IL1F10: variants seen among roughly 807,000 people sequenced by gnomAD.
The protein encoded by IL1F10 is interleukin-1 family member 10.
Under a neutral mutation model 13.1 loss-of-function variants are expected in IL1F10, and 13 were observed. The ratio of observed to expected loss-of-function variants is 0.99; its 90% confidence interval spans 0.64 to 1.57. The LOEUF (loss-of-function observed/expected upper bound fraction) is 1.57, where lower values mean the gene tolerates loss of function less well. Among genes scored for constraint, IL1F10 ranks in the 40% most tolerant of loss-of-function variants. IL1F10 has a pLI of 0.00. For missense variants in IL1F10, 191 were observed against 184.1 expected (o/e 1.04, Z -0.22); for synonymous variants, 78 against 68.2 (o/e 1.14, Z -0.71).
At chr2:113,068,375 C>T (rs764566361) in intron 1 of IL1F10, among the ~76,000 whole-genome samples, 4 of 149,930 alleles carry the variant, frequency 2.7e-5, no homozygotes, top group Non-Finnish European at 5.9e-5. Flanking sequence ...GGTAGCTCCT[C>T]AGTGTCTTCT....
chr2:113,068,634 T>G (rs1425618115), intron 1 of IL1F10, among the ~76,000 whole-genome samples: 1 of 152,214 alleles, frequency 6.6e-6, no homozygotes, highest in African/African-American at 2.4e-5. Flanking sequence ...GCCTTTCTAT[T>G]CAAAGTCTGC....
At chr2:113,073,696 G>A (rs752213377) in intron 2 of IL1F10, among the ~76,000 whole-genome samples, 2 of 152,156 alleles carry the variant, frequency 1.3e-5, no homozygotes, top group Admixed American at 6.5e-5. Flanking sequence ...GGGTATTATC[G>A]TTAGCTGTTA....
At position 113,072,794 on chromosome 2, in the gene IL1F10, G is replaced by T. The variant is rs536900277; in HGVS notation, c.32+24G>T. 3.7e-6 allele frequency: 6 copies of T among 1,606,804 alleles called. No homozygotes were observed. The African/African-American group carries it at 5.3e-5, about 14-fold the overall frequency. On this transcript the variant is annotated intron_variant, in intron 2 of 4. Transcript: ENST00000341010. ...ATGTAAGTTGTCCTGGCATGTCCCT[G>T]CTTTCCAAGCCAGGGGGTCAGGGTG...
intron 1 of IL1F10, among the ~76,000 whole-genome samples, chr2:113,070,682 A>G (rs1685820530): frequency 6.6e-6 from 1 of 151,892 alleles, no homozygotes; most frequent in Non-Finnish European, 1.5e-5. Flanking sequence ...GTCCTTTAGG[A>G]CTCAAAGTGC....
At chr2:113,070,108 G>T (rs545231033) in intron 1 of IL1F10, among the ~76,000 whole-genome samples, 1 of 152,158 alleles carries the variant, frequency 6.6e-6, no homozygotes, top group Non-Finnish European at 1.5e-5. Context: ...AGGGAGAAAT[G>T]AGAGGAAGAA....
intron 1 of IL1F10, among the ~76,000 whole-genome samples, chr2:113,069,840 G>T (rs546408057): frequency 6.6e-6 from 1 of 152,144 alleles, no homozygotes; most frequent in Non-Finnish European, 1.5e-5. Flanking sequence ...AGGTGTGAAG[G>T]GAGTCATTCA....
chr2:113,071,119 C>A (rs1685827243), intron 1 of IL1F10, among the ~76,000 whole-genome samples: 1 of 152,180 alleles, frequency 6.6e-6, no homozygotes, highest in Non-Finnish European at 1.5e-5. Flanking sequence ...GTAAGTGGTG[C>A]AACAACACGA....
chr2:113,075,416 G>A lies in IL1F10; in HGVS notation c.*52G>A. On this transcript the variant is annotated 3_prime_UTR_variant, in exon 5 of 5. Transcript: ENST00000341010. ...TGTGCCCCCAAACCAAGCTCATCCTGCTCAGGGTCTATGGTAGGCAGAATA... is the reference window on the plus strand; with the variant it reads ...TGTGCCCCCAAACCAAGCTCATCCTACTCAGGGTCTATGGTAGGCAGAATA... 3 of 1,350,098 alleles carry A rather than the reference G, an allele frequency of 2.2e-6. No individual in the cohort carries two copies. The highest frequency in any genetic ancestry group is 2.0e-6 in the Non-Finnish European group (2 of 977,908). 83.6% of individuals were successfully genotyped at this position (1,350,098 alleles called of 1,614,324 possible).
chr2:113,069,747 T>C (rs1405381393), intron 1 of IL1F10, among the ~76,000 whole-genome samples: 1 of 152,168 alleles, frequency 6.6e-6, no homozygotes, highest in Non-Finnish European at 1.5e-5. Context: ...TGCAGCTTAA[T>C]ATGATGTGAA....
rs28928301 is a variant in IL1F10 at position 113,075,545 on chromosome 2, A to G, written c.*181A>G. On this transcript the variant is annotated 3_prime_UTR_variant, in exon 5 of 5. Transcript: ENST00000341010. ...AATGTGATTATGTTAAGGATCTTGAAATGAGGAGACAATCCTGGGTTATCC... is the reference window on the plus strand; with the variant it reads ...AATGTGATTATGTTAAGGATCTTGAGATGAGGAGACAATCCTGGGTTATCC... The G allele has an allele frequency of 7.5e-3, 3,282 of 436,696 alleles. 98 individuals are homozygous for G. Among genetic ancestry groups the G allele is most frequent in the African/African-American group, 0.059 (2,939 of 49,850 alleles). 27.1% of individuals were successfully genotyped at this position (436,696 alleles called of 1,614,324 possible).
intron 3 of IL1F10, 133 bp from the exon 4 acceptor site, chr2:113,074,590 A>G (rs1324312157): frequency 9.0e-6 from 11 of 1,227,682 alleles, no homozygotes; most frequent in Admixed American, 1.7e-5. Context: ...GTCCTGGCTC[A>G]CCGTCCAGTC....
At chr2:113,074,260 A>C in intron 2 of IL1F10, 69 bp from the exon 3 acceptor site, 1 of 966,026 alleles carries the variant, frequency 1.0e-6, no homozygotes. Context: ...CAGAGCATGG[A>C]AGTGGAAGGG....
rs758654880 is a variant in IL1F10 at position 113,075,310 on chromosome 2, C to T, written c.405C>T (p.Thr135=). ...PAEPQQPVQL[T]KESEPSARTK... is the part of the protein sequence containing the mutation. ...AGCCCCAGCAGCCAGTACAGCTCAC[C>T]AAGGAGAGTGAGCCCTCAGCCCGTA... Residue 135 remains threonine (T), a synonymous_variant, in exon 5 of 5, where the codon ACC becomes ACT. Transcript: ENST00000341010. 6.2e-7 allele frequency: 1 copy of T among 1,603,324 alleles called. No homozygotes were observed. The highest frequency in any genetic ancestry group is 1.3e-5 in the African/African-American group (1 of 74,774).
chr2:113,068,953 AG>A (rs1191815435), intron 1 of IL1F10, among the ~76,000 whole-genome samples: 1 of 152,336 alleles, frequency 6.6e-6, no homozygotes, highest in Non-Finnish European at 1.5e-5. Flanking sequence ...GCTGAAACTG[AG>A]GGTTGGAGGT....
At position 113,074,380 on chromosome 2, in the gene IL1F10, G is replaced by A. The variant is rs199770962; in HGVS notation, c.84G>A (p.Leu28=). The change falls in exon 3 of 5, where the codon CTG becomes CTA. Residue 28 remains leucine, a synonymous_variant. Transcript: ENST00000341010. Reference sequence around the variant, plus strand: ...TATACACAAGAGATGGCCAGCTGCTGGTGGGAGATCCTGTTGCAGACAACT... The same window carrying A: ...TATACACAAGAGATGGCCAGCTGCTAGTGGGAGATCCTGTTGCAGACAACT... The part of the protein sequence containing the change: ...KALYTRDGQL[L]VGDPVADNCC... The A allele has an allele frequency of 6.2e-7, 1 of 1,613,998 alleles. No individual in the cohort carries two copies. The highest frequency in any genetic ancestry group is 1.1e-5 in the South Asian group (1 of 91,064).
intron 1 of IL1F10, among the ~76,000 whole-genome samples, chr2:113,068,550 A>T (rs1685783216): frequency 6.6e-6 from 1 of 152,150 alleles, no homozygotes; most frequent in Non-Finnish European, 1.5e-5. Flanking sequence ...CTTTCCATCC[A>T]ATGTTGATAA....
At chr2:113,074,299 T>TGG (rs1201295874) in intron 2 of IL1F10, 30 bp from the exon 3 acceptor site, 2 of 1,415,808 alleles carry the variant, frequency 1.4e-6, no homozygotes, top group African/African-American at 2.8e-5. Flanking sequence ...ATAAAGGGAA[T>TGG]GGGCCATCAG....
chr2:113,069,766 G>A (rs1685799315), intron 1 of IL1F10, among the ~76,000 whole-genome samples: 1 of 152,182 alleles, frequency 6.6e-6, no homozygotes, highest in Non-Finnish European at 1.5e-5. Context: ...AAATAGAAGT[G>A]CTTAGGACCT....
At position 113,075,163 on chromosome 2, in the gene IL1F10, T is replaced by A. The variant is rs779090494; in HGVS notation, c.258T>A (p.Ile86=). ...CCTTGCCCCCACAGGATGTGAACAT[T>A]GAGGAACTGTACAAAGGTGGTGAAG... ...GPSLQLEDVN[I]EELYKGGEEA... is the part of the protein sequence containing the mutation. The change falls in exon 5 of 5, where the codon ATT becomes ATA. Residue 86 remains isoleucine (I), a synonymous_variant. Transcript: ENST00000341010. 42 of 1,606,466 alleles carry A rather than the reference T, an allele frequency of 2.6e-5. No individual in the cohort carries two copies. Among genetic ancestry groups the A allele is most frequent in the African/African-American group, 4.0e-5 (3 of 74,806 alleles).
Sources: gnomAD v4.1 joint callset for allele counts (sites outside exome capture counted in the v4.1 genomes callset) on GRCh38, gnomAD v4.1.1 for gene constraint, MANE v1.5 for transcripts, NCBI Gene and HGNC (gene_info 2026-07-23, HGNC 2026-07-21) for gene names.